Variants in EXT1 observed in about 807,000 individuals in gnomAD.
EXT1 encodes exostosin glycosyltransferase 1.
EXT1 carries 20 observed loss-of-function variants against 82.5 expected under a neutral mutation model. The ratio of observed to expected loss-of-function variants is 0.24; its 90% CI spans 0.17 to 0.35. The LOEUF (loss-of-function observed/expected upper bound fraction) is 0.35, where lower values mean the gene tolerates loss of function less well. EXT1 is among the 10% of genes least tolerant of loss of function. The probability of loss-of-function intolerance (pLI) is 1.00; values close to 1 mark genes in which losing one functional copy is unlikely to be tolerated. For synonymous variants in EXT1, 348 were observed against 350.8 expected (o/e 0.99, Z 0.09); for missense variants, 757 against 936.5 (o/e 0.81, Z 2.50).
chr8:117,959,506 G>A (rs552819003), intron 1 of EXT1, among the ~76,000 whole-genome samples: 3 of 152,270 alleles, frequency 2.0e-5, no homozygotes, highest in South Asian at 2.1e-4. Flanking sequence ...GGCAGTTCTC[G>A]GCACAGTCCT....
At chr8:117,975,956 G>T (rs1815056971) in intron 1 of EXT1, among the ~76,000 whole-genome samples, 1 of 152,178 alleles carries the variant, frequency 6.6e-6, no homozygotes, top group Non-Finnish European at 1.5e-5. Context: ...CTAAATGCTG[G>T]TAGAGAAAGA....
chr8:117,872,824 G>GAAAAAAAAA (rs1171262675), intron 1 of EXT1, among the ~76,000 whole-genome samples: 4 of 87,426 alleles, frequency 4.6e-5, no homozygotes, highest in Non-Finnish European at 5.0e-5. Flanking sequence ...CTGAAGCAGA[G>GAAAAAAAAA]AAAAAAAAAA....
chr8:117,886,481 T>G (rs1424314157), intron 1 of EXT1, among the ~76,000 whole-genome samples: 1 of 152,214 alleles, frequency 6.6e-6, no homozygotes, highest in Non-Finnish European at 1.5e-5. Flanking sequence ...GCATGAATAC[T>G]CCTACTTTCA....
chr8:118,027,282 A>T (rs1204196238), intron 1 of EXT1, among the ~76,000 whole-genome samples: 4 of 151,738 alleles, frequency 2.6e-5, no homozygotes, highest in Non-Finnish European at 5.9e-5. Context: ...CTGTTTATAG[A>T]GGGGTTTTCG....
At chr8:118,050,802 C>T (rs1017558965) in intron 1 of EXT1, among the ~76,000 whole-genome samples, 1 of 152,026 alleles carries the variant, frequency 6.6e-6, no homozygotes, top group Non-Finnish European at 1.5e-5. Flanking sequence ...CAGGTCTACA[C>T]CATCCATAAA....
intron 1 of EXT1, among the ~76,000 whole-genome samples, chr8:117,986,377 G>C (rs1815320198): frequency 2.0e-5 from 3 of 152,058 alleles, no homozygotes; most frequent in African/African-American, 7.2e-5. Context: ...TTTTAGCAGA[G>C]AGGGGTTTTG....
intron 1 of EXT1, among the ~76,000 whole-genome samples, chr8:117,862,510 A>G (rs775722111): frequency 4.1e-5 from 6 of 145,756 alleles, no homozygotes; most frequent in Non-Finnish European, 7.7e-5. Flanking sequence ...TATTGAATCC[A>G]CTCTATAAAA....
Position 118,111,367 on chromosome 8 carries a change from A to G in EXT1, c.-321T>C, listed in dbSNP as rs1817900714. 1 of 566,602 alleles carries G rather than the reference A, an allele frequency of 1.8e-6. No homozygotes were observed. The allele number at this position is 566,602 out of a possible 1,614,324, so 35.1% of individuals were successfully genotyped here. A position where few individuals can be genotyped will look rare whatever the true frequency, so the allele number is the denominator to read the frequency against. On this transcript the variant is annotated 5_prime_UTR_variant, in exon 1 of 11. Transcript: ENST00000378204. ...TGCAACAAGACGGAGGAAAAGAAAG[A>G]GAGAGGGGAGAAAAAAAAAGCTCCC... is the stretch of plus-strand genomic sequence containing the variant.
At chr8:117,976,915 G>C (rs1002668380) in intron 1 of EXT1, among the ~76,000 whole-genome samples, 1 of 152,064 alleles carries the variant, frequency 6.6e-6, no homozygotes, top group Non-Finnish European at 1.5e-5. Context: ...ATGTCAGGGC[G>C]TTGGTATCCC....
intron 8 of EXT1, among the ~76,000 whole-genome samples, chr8:117,812,472 G>A (rs1380518719): frequency 6.6e-6 from 1 of 152,174 alleles, no homozygotes; most frequent in Non-Finnish European, 1.5e-5. Context: ...TGAGGCAATA[G>A]GATACGTGGA....
chr8:117,955,216 G>A (rs1814564535), intron 1 of EXT1, among the ~76,000 whole-genome samples: 1 of 152,156 alleles, frequency 6.6e-6, no homozygotes, highest in South Asian at 2.1e-4. Flanking sequence ...ATGTGGATAT[G>A]GTTATCAACC....
intron 1 of EXT1, among the ~76,000 whole-genome samples, chr8:118,000,382 T>G (rs1815636912): frequency 6.6e-6 from 1 of 152,056 alleles, no homozygotes; most frequent in Non-Finnish European, 1.5e-5. Flanking sequence ...CATGGGCATG[T>G]CTCAAAGCCT....
At chr8:118,000,149 A>G (rs978463236) in intron 1 of EXT1, among the ~76,000 whole-genome samples, 2 of 152,184 alleles carry the variant, frequency 1.3e-5, no homozygotes, top group Non-Finnish European at 2.9e-5. Flanking sequence ...TCCTTTATCC[A>G]AAGCTAAGTT....
At chr8:117,811,088 G>A (rs1043451117) in intron 8 of EXT1, among the ~76,000 whole-genome samples, 2 of 150,396 alleles carry the variant, frequency 1.3e-5, no homozygotes, top group African/African-American at 4.9e-5. Context: ...TCTCTTATGG[G>A]GTCTTTTAAC....
At chr8:117,842,295 G>A (rs1266514958) in intron 1 of EXT1, among the ~76,000 whole-genome samples, 1 of 152,140 alleles carries the variant, frequency 6.6e-6, no homozygotes, top group African/African-American at 2.4e-5. Flanking sequence ...TACTTATACT[G>A]TGAGGATTAA....
At chr8:117,821,979 T>C (rs960491803) in intron 5 of EXT1, among the ~76,000 whole-genome samples, 1 of 152,230 alleles carries the variant, frequency 6.6e-6, no homozygotes, top group East Asian at 1.9e-4. Flanking sequence ...TACATTAGCA[T>C]AGCACATAGA....
At chr8:117,914,579 A>T (rs1170085963) in intron 1 of EXT1, among the ~76,000 whole-genome samples, 1 of 152,148 alleles carries the variant, frequency 6.6e-6, no homozygotes, top group Admixed American at 6.5e-5. Context: ...GAATATTAAT[A>T]TTAATGCCCT....
At chr8:117,903,889 G>C (rs1307992942) in intron 1 of EXT1, among the ~76,000 whole-genome samples, 1 of 152,214 alleles carries the variant, frequency 6.6e-6, no homozygotes, top group Admixed American at 6.5e-5. Flanking sequence ...CAGAAGCTGG[G>C]AACAGTCAAA....
chr8:117,868,452 T>TTTTG (rs138064203), intron 1 of EXT1, among the ~76,000 whole-genome samples: 5,280 of 152,134 alleles, frequency 0.035, 320 homozygotes, highest in African/African-American at 0.12. Context: ...TTTAAAAATG[T>TTTTG]TTTGTTTGTT....
Sources: gnomAD v4.1 joint callset for allele counts (sites outside exome capture counted in the v4.1 genomes callset) on GRCh38, gnomAD v4.1.1 for gene constraint, MANE v1.5 for transcripts, NCBI Gene and HGNC (gene_info 2026-07-23, HGNC 2026-07-21) for gene names.